LRRN2: variants seen among roughly 807,000 people sequenced by gnomAD.
LRRN2 encodes the protein leucine-rich repeat neuronal protein 2.
LRRN2 carries 10 observed loss-of-function variants against 35.7 expected under a neutral mutation model. The ratio of observed to expected loss-of-function variants is 0.28; its 90% confidence interval spans 0.17 to 0.47. The LOEUF is 0.47. LRRN2 is among the 20% of genes least tolerant of loss of function. The pLI is 0.99. For missense variants in LRRN2, 731 were observed against 940.3 expected, an observed-to-expected ratio of 0.78 and a Z score of 2.91; for synonymous variants, 391 against 409.6, an observed-to-expected ratio of 0.95 and a Z score of 0.55.
At chr1:204,642,174 CAG>C (rs1056285935) in intron 1 of LRRN2, among the ~76,000 whole-genome samples, 2 of 152,174 alleles carry the variant, frequency 1.3e-5, no homozygotes, top group East Asian at 1.9e-4. Flanking sequence ...AGGGAATTAA[CAG>C]GGGGAACATT....
At chr1:204,636,151 C>T (rs907303167) in intron 1 of LRRN2, among the ~76,000 whole-genome samples, 2 of 152,224 alleles carry the variant, frequency 1.3e-5, no homozygotes, top group Non-Finnish European at 2.9e-5. Context: ...GCCACTGTCA[C>T]AATCCTGGTC....
intron 1 of LRRN2, among the ~76,000 whole-genome samples, chr1:204,644,564 C>T (rs1050753980): frequency 6.6e-6 from 1 of 152,190 alleles, no homozygotes; most frequent in African/African-American, 2.4e-5. Flanking sequence ...TTAGGGAGCT[C>T]ATAATTATCC....
At chr1:204,661,084 G>GTTGA (rs539654502) in intron 1 of LRRN2, among the ~76,000 whole-genome samples, 294 of 152,266 alleles carry the variant, frequency 1.9e-3, no homozygotes, top group Non-Finnish European at 3.5e-3. Flanking sequence ...GAAAAATCTG[G>GTTGA]TTGATTGATT....
intron 1 of LRRN2, among the ~76,000 whole-genome samples, chr1:204,665,719 C>T (rs1175287337): frequency 2.6e-5 from 4 of 152,240 alleles, no homozygotes; most frequent in Non-Finnish European, 4.4e-5. Context: ...AGCCCATCTC[C>T]TGGGCGCTGT....
chr1:204,619,674 C>A lies in LRRN2; in HGVS notation c.319G>T (p.Asp107Tyr). The A allele has an allele frequency of 6.2e-7, 1 of 1,614,212 alleles. No homozygotes were observed. Among genetic ancestry groups the A allele is most frequent in the Non-Finnish European group, 8.5e-7 (1 of 1,180,014 alleles). ...ELDLSQNSFSDARDCDFHALP... is the reference protein window; with the variant it reads ...ELDLSQNSFSYARDCDFHALP... ...GCATGGAAATCACAGTCTCGGGCAT[C>A]CGAAAAGCTGTTCTGGGACAGGTCC... Residue 107 changes from aspartate to tyrosine, a missense_variant, in exon 2 of 2, where the codon GAT (aspartate) becomes TAT (tyrosine). Transcript: ENST00000367177.
chr1:204,618,060 C>T lies in LRRN2; in HGVS notation c.1933G>A (p.Gly645Arg), dbSNP rs1261120263. The change falls in exon 2 of 2, where the codon GGG (glycine) becomes AGG (arginine). Residue 645 changes from glycine (G) to arginine (R), a missense_variant. This residue lies in a region of LRRN2 where 229 missense variants were observed against 258.4 expected (regional missense o/e 0.89). Transcript: ENST00000367177. ...CCTGTGCCAAGGTGGGCCGCTAGCCCAGCTGCCAGGAGAAGGACAGCGAGA... is the reference window on the plus strand; with the variant it reads ...CCTGTGCCAAGGTGGGCCGCTAGCCTAGCTGCCAGGAGAAGGACAGCGAGA... ...LALAVLLLAA[G>R]LAAHLGTGQP... is the part of the protein sequence containing the mutation. 1 of 1,613,688 alleles carries T rather than the reference C, an allele frequency of 6.2e-7. No homozygotes were observed. Among genetic ancestry groups the T allele is most frequent in the South Asian group, 1.1e-5 (1 of 91,044 alleles).
At chr1:204,648,178 G>A (rs1361512364) in intron 1 of LRRN2, among the ~76,000 whole-genome samples, 1 of 152,138 alleles carries the variant, frequency 6.6e-6, no homozygotes, top group East Asian at 1.9e-4. Flanking sequence ...ATGGGCTGGG[G>A]TTGGCAGCAT....
chr1:204,635,076 G>A (rs2102596742), intron 1 of LRRN2, among the ~76,000 whole-genome samples: 1 of 152,298 alleles, frequency 6.6e-6, no homozygotes, highest in African/African-American at 2.4e-5. Flanking sequence ...TGGGCAGGAA[G>A]TTTCCTGCCT....
At chr1:204,628,973 G>A (rs1025952837) in intron 1 of LRRN2, 3 of 152,284 alleles carry the variant, frequency 2.0e-5, no homozygotes, top group African/African-American at 7.2e-5. Context: ...ACAGTTGCAG[G>A]CCTCAGATGG....
chr1:204,633,678 A>G (rs1667763368), intron 1 of LRRN2, among the ~76,000 whole-genome samples: 1 of 152,190 alleles, frequency 6.6e-6, no homozygotes, highest in Admixed American at 6.5e-5. Context: ...TAAAGCCAGG[A>G]CTCAAACTTG....
intron 1 of LRRN2, among the ~76,000 whole-genome samples, chr1:204,649,733 A>G (rs12125207): frequency 0.6 from 91,863 of 152,058 alleles, 28,189 homozygotes; most frequent in East Asian, 0.87. Context: ...AAATGGTCCA[A>G]GGTTCACTTC....
rs67761829 is a variant in LRRN2 at position 204,637,645 on chromosome 1, CGTGTGTGTGTGT to C, written c.-226-17439_-226-17428del. On this transcript the variant is annotated intron_variant, in intron 1 of 1. Transcript: ENST00000367177. ...AGAGTCTGCCTATTGCAGCACGTGA[CGTGTGTGTGTGT>C]GTGTGTGTGTGTGTGTGTGTGTGTG... 2.4e-3 allele frequency among the ~76,000 whole-genome samples: 316 copies of C among 130,026 alleles called. 1 individual carries two copies. Among genetic ancestry groups the C allele is most frequent in the East Asian group, 0.021 (89 of 4,264 alleles). 85.3% of individuals were successfully genotyped at this position (130,026 alleles called of 152,430 possible).
chr1:204,680,451 C>T (rs1381554110), intron 1 of LRRN2, among the ~76,000 whole-genome samples: 1 of 152,196 alleles, frequency 6.6e-6, no homozygotes, highest in East Asian at 1.9e-4. Context: ...AAACGAATTC[C>T]AAACCAAACC....
chr1:204,617,954 C>T lies in LRRN2; in HGVS notation c.2039G>A (p.Arg680Gln), dbSNP rs762829516. 12 of 1,613,846 alleles carry T rather than the reference C, an allele frequency of 7.4e-6. No homozygotes were observed. Among genetic ancestry groups the T allele is most frequent in the East Asian group, 2.2e-5 (1 of 44,876 alleles). Reference protein sequence around the residue: ...AFWGWSAPSVRVVSAPLVLPW... With the variant: ...AFWGWSAPSVQVVSAPLVLPW... Reference sequence around the variant, plus strand: ...CAGGACGAGGGGAGCAGACACAACCCGGACAGAAGGGGCACTCCAGCCCCA... The same window carrying T: ...CAGGACGAGGGGAGCAGACACAACCTGGACAGAAGGGGCACTCCAGCCCCA... Residue 680 changes from arginine to glutamine, a missense_variant, in exon 2 of 2, where the codon CGG (arginine) becomes CAG (glutamine). This residue lies in a region of LRRN2 where 229 missense variants were observed against 258.4 expected (regional missense o/e 0.89). Coordinates refer to ENST00000367177, the MANE Select transcript of LRRN2 (RefSeq NM_201630.2).
At position 204,618,117 on chromosome 1, in the gene LRRN2, C is replaced by G. The variant is rs768550790; in HGVS notation, c.1876G>C (p.Gly626Arg). ...ATGGCAATGAGCCCAGGACGGTCCC[C>G]TAAGGCTCTGTGGCAAGAAGTGGCC... ...KEATSCHRAL[G>R]DRPGLIAILA... The change falls in exon 2 of 2, where the codon GGG becomes CGG. Residue 626 changes from glycine to arginine, a missense_variant. By Grantham distance (125) the Gly-to-Arg change is moderately radical. This residue lies in a region of LRRN2 where 229 missense variants were observed against 258.4 expected (regional missense o/e 0.89). Coordinates refer to ENST00000367177, the MANE Select transcript of LRRN2 (RefSeq NM_201630.2). The G allele has an allele frequency of 1.9e-6, 3 of 1,614,010 alleles. No individual in the cohort carries two copies. Among genetic ancestry groups the G allele is most frequent in the Non-Finnish European group, 2.5e-6 (3 of 1,179,996 alleles).
Position 204,619,733 on chromosome 1 carries a change from C to T in LRRN2, c.260G>A (p.Ser87Asn). 6.2e-7 allele frequency: 1 copy of T among 1,614,228 alleles called. No individual in the cohort carries two copies. Among genetic ancestry groups the T allele is most frequent in the Non-Finnish European group, 8.5e-7 (1 of 1,180,020 alleles). ...QSNSIVRVDQ[S>N]ELGYLANLTE... ...GAGATTGGCCAGGTAGCCCAGCTCA[C>T]TCTGGTCCACACGGACAATGCTGTT... The change falls in exon 2 of 2, where the codon AGT becomes AAT. Residue 87 changes from serine (S) to asparagine (N), a missense_variant. Coordinates refer to ENST00000367177, the MANE Select transcript of LRRN2 (RefSeq NM_201630.2).
rs148933518 is a variant in LRRN2 at position 204,625,089 on chromosome 1, C to T, written c.-226-4871G>A. ...GAGCTGGAGGAGACCTCAGCCTCAG[C>T]GTTTATCTGCTCTTCCAGAGTCTGA... On this transcript the variant is annotated intron_variant, in intron 1 of 1. Transcript: ENST00000367177. Among the ~76,000 whole-genome samples the T allele has an allele frequency of 2.2e-3, 329 of 152,310 alleles. 1 individual carries two copies. Among genetic ancestry groups the T allele is most frequent in the Non-Finnish European group, 3.5e-3 (237 of 68,032 alleles).
intron 1 of LRRN2, among the ~76,000 whole-genome samples, chr1:204,675,054 C>T (rs374864762): frequency 3.9e-5 from 6 of 152,284 alleles, no homozygotes; most frequent in South Asian, 4.1e-4. Flanking sequence ...GTTGCAGTCC[C>T]GGCTCATCCA....
intron 1 of LRRN2, among the ~76,000 whole-genome samples, chr1:204,679,296 G>A (rs1668888432): frequency 6.6e-6 from 1 of 152,210 alleles, no homozygotes; most frequent in Non-Finnish European, 1.5e-5. Flanking sequence ...CTGGCCCTCT[G>A]TGGTCATTCC....
Sources: allele counts gnomAD v4.1 joint callset (sites outside exome capture counted in the v4.1 genomes callset), GRCh38; gene constraint gnomAD v4.1.1; regional missense constraint gnomAD v4.1.1; transcripts MANE v1.5; gene names NCBI Gene and HGNC (gene_info 2026-07-23, HGNC 2026-07-21).